AGBL1: variants seen among roughly 807,000 people sequenced by gnomAD.
AGBL1 encodes AGBL carboxypeptidase 1.
In AGBL1, 130 loss-of-function variants were observed where a neutral mutation model predicts 118.9. That is an observed-to-expected ratio of 1.09 (90% CI 0.95 to 1.26). AGBL1 has a LOEUF of 1.26. Among genes scored for constraint, AGBL1 ranks in the 50% most tolerant of loss-of-function variants. AGBL1 has a pLI of 0.00. For missense variants in AGBL1, 1,584 were observed against 1,298.1 expected (o/e 1.22, Z -3.38); for synonymous variants, 555 against 478.9 (o/e 1.16, Z -2.08).
chr15:86,643,611 G>A (rs1387564665), intron 21 of AGBL1, among the ~76,000 whole-genome samples: 1 of 151,812 alleles, frequency 6.6e-6, no homozygotes, highest in Admixed American at 6.6e-5. Context: ...CTGATTATTG[G>A]ATTTACTTAC....
chr15:86,414,279 C>T (rs1257430938), intron 18 of AGBL1, among the ~76,000 whole-genome samples: 1 of 152,122 alleles, frequency 6.6e-6, no homozygotes, highest in Admixed American at 6.6e-5. Flanking sequence ...TATCATTATG[C>T]AATATATTCA....
intron 5 of AGBL1, among the ~76,000 whole-genome samples, chr15:86,167,134 A>T (rs749135439): frequency 2.6e-5 from 4 of 152,092 alleles, no homozygotes; most frequent in Admixed American, 6.6e-5. Context: ...ACCTACAAAT[A>T]TGGAGGAAAG....
chr15:87,019,337 G>A (rs948149799), intron 24 of AGBL1, among the ~76,000 whole-genome samples: 2 of 151,938 alleles, frequency 1.3e-5, no homozygotes, highest in Non-Finnish European at 2.9e-5. Context: ...TCACTACACA[G>A]CACTTCCTCT....
At chr15:86,309,184 G>A (rs1017551550) in intron 17 of AGBL1, among the ~76,000 whole-genome samples, 1 of 152,070 alleles carries the variant, frequency 6.6e-6, no homozygotes, top group Non-Finnish European at 1.5e-5. Flanking sequence ...TATTGTAAAT[G>A]AGATTTTTTA....
At chr15:86,569,196 C>A (rs1265475722) in intron 21 of AGBL1, among the ~76,000 whole-genome samples, 1 of 152,032 alleles carries the variant, frequency 6.6e-6, no homozygotes, top group Non-Finnish European at 1.5e-5. Context: ...ATTTGGGAGG[C>A]TGAGGTGGGA....
chr15:86,385,024 G>A (rs2081163064), intron 17 of AGBL1, among the ~76,000 whole-genome samples: 1 of 152,056 alleles, frequency 6.6e-6, no homozygotes, highest in Non-Finnish European at 1.5e-5. Context: ...AGGGTCTAGG[G>A]CTGCATCTTT....
chr15:86,335,604 A>G (rs1435211968), intron 17 of AGBL1, among the ~76,000 whole-genome samples: 1 of 152,232 alleles, frequency 6.6e-6, no homozygotes, highest in African/African-American at 2.4e-5. Flanking sequence ...GAAGTTGCAG[A>G]ACACCAAATA....
intron 1 of AGBL1, among the ~76,000 whole-genome samples, chr15:86,095,311 C>G (rs1341535209): frequency 6.6e-6 from 1 of 152,108 alleles, no homozygotes; most frequent in African/African-American, 2.4e-5. Context: ...ATCTCCAGTC[C>G]CTCTCCTTTC....
intron 1 of AGBL1, chr15:86,083,797 CAT>C (rs759839380): frequency 6.6e-6 from 1 of 152,220 alleles, no homozygotes; most frequent in Non-Finnish European, 1.5e-5. Context: ...GCTTCCAAAA[CAT>C]GTGTTTGAAA....
At chr15:86,448,221 A>G (rs1475511402) in intron 18 of AGBL1, among the ~76,000 whole-genome samples, 1 of 152,214 alleles carries the variant, frequency 6.6e-6, no homozygotes, top group Non-Finnish European at 1.5e-5. Flanking sequence ...AGTAAGAAGC[A>G]AAGCTCATCA....
downstream of AGBL1, among the ~76,000 whole-genome samples, chr15:86,916,370 C>T (rs990409231): frequency 2.6e-5 from 4 of 152,040 alleles, no homozygotes; most frequent in African/African-American, 9.6e-5. Flanking sequence ...CAGAGAATAA[C>T]CTGTGAGAAC....
intron 23 of AGBL1, among the ~76,000 whole-genome samples, chr15:86,956,044 A>C (rs2080927132): frequency 6.6e-6 from 1 of 152,126 alleles, no homozygotes; most frequent in East Asian, 1.9e-4. Flanking sequence ...ATACGAAACA[A>C]GTTACAAAAT....
chr15:86,298,942 A>G (rs905700323), intron 17 of AGBL1, among the ~76,000 whole-genome samples: 1 of 152,170 alleles, frequency 6.6e-6, no homozygotes, highest in Non-Finnish European at 1.5e-5. Context: ...AGTTCCTCCC[A>G]GGGTCTGAGC....
intron 18 of AGBL1, among the ~76,000 whole-genome samples, chr15:86,441,664 GT>G (rs2082066241): frequency 6.6e-6 from 1 of 152,192 alleles, no homozygotes; most frequent in East Asian, 1.9e-4. Context: ...TTGTATCCCC[GT>G]TATTGGAAGA....
At chr15:86,810,643 C>A (rs1397041840) in intron 22 of AGBL1, among the ~76,000 whole-genome samples, 2 of 152,128 alleles carry the variant, frequency 1.3e-5, no homozygotes, top group Non-Finnish European at 2.9e-5. Flanking sequence ...TCTCAGAATT[C>A]TTGAGTTCAG....
intron 21 of AGBL1, among the ~76,000 whole-genome samples, chr15:86,587,699 C>G (rs1387857537): frequency 1.3e-5 from 2 of 152,126 alleles, no homozygotes; most frequent in Non-Finnish European, 2.9e-5. Context: ...TAGAGAAACT[C>G]AGAAGACAGA....
chr15:86,749,808 A>G (rs1462328214), intron 22 of AGBL1, among the ~76,000 whole-genome samples: 1 of 152,198 alleles, frequency 6.6e-6, no homozygotes, highest in Middle Eastern at 3.2e-3. Flanking sequence ...ATGCTGGATT[A>G]CTTTTATTGA....
At chr15:86,609,726 T>C (rs1254962753) in intron 21 of AGBL1, among the ~76,000 whole-genome samples, 1 of 152,134 alleles carries the variant, frequency 6.6e-6, no homozygotes, top group Admixed American at 6.5e-5. Context: ...AGGTGAACAA[T>C]GCATGCTTTC....
At chr15:86,858,103 G>C (rs2079508644) in intron 22 of AGBL1, among the ~76,000 whole-genome samples, 1 of 152,088 alleles carries the variant, frequency 6.6e-6, no homozygotes, top group Non-Finnish European at 1.5e-5. Context: ...TTTACAAATA[G>C]TATGTAAGGC....
Sources: gnomAD v4.1 joint callset for allele counts (sites outside exome capture counted in the v4.1 genomes callset) on GRCh38, gnomAD v4.1.1 for gene constraint, MANE v1.5 for transcripts, NCBI Gene and HGNC (gene_info 2026-07-23, HGNC 2026-07-21) for gene names.